RBM33: variants seen among roughly 807,000 people sequenced by gnomAD.
RBM33 encodes RNA-binding protein 33.
A neutral mutation model predicts 132.6 loss-of-function variants in RBM33; 28 were observed. The observed-to-expected ratio is 0.21, with a 90% CI of 0.16 to 0.29. RBM33 has a LOEUF of 0.29. Ranked by LOEUF, RBM33 falls within the 10% of genes least tolerant of loss-of-function variation. The pLI is 1.00. For synonymous variants in RBM33, 634 were observed against 593.0 expected (o/e 1.07, Z -1.01); for missense variants, 1,291 against 1,518.5 (o/e 0.85, Z 2.49).
At chr7:155,769,148 G>A (rs1045711697) in intron 16 of RBM33, among the ~76,000 whole-genome samples, 9 of 152,230 alleles carry the variant, frequency 5.9e-5, no homozygotes, top group Non-Finnish European at 7.4e-5. Flanking sequence ...AAAAAGTTTC[G>A]AACTGTAACC....
chr7:155,679,045 G>A (rs1483879490), intron 4 of RBM33, among the ~76,000 whole-genome samples: 4 of 152,112 alleles, frequency 2.6e-5, no homozygotes, highest in East Asian at 1.9e-4. Context: ...AGTGGCCCGC[G>A]CCTATAGTCC....
intron 16 of RBM33, among the ~76,000 whole-genome samples, chr7:155,769,093 A>T (rs1802320251): frequency 6.6e-6 from 1 of 152,238 alleles, no homozygotes; most frequent in Non-Finnish European, 1.5e-5. Context: ...GTGAGGAAGA[A>T]TGAGAAGATT....
intron 9 of RBM33, among the ~76,000 whole-genome samples, chr7:155,722,353 T>C (rs1800653883): frequency 6.6e-6 from 1 of 152,248 alleles, no homozygotes; most frequent in African/African-American, 2.4e-5. Flanking sequence ...TGCTGAATGC[T>C]ATTTCACGAA....
chr7:155,774,656 T>C lies in RBM33; in HGVS notation c.3464+9T>C, dbSNP rs751605958. On this transcript the variant is annotated intron_variant, in intron 17 of 17. Transcript: ENST00000401878. This position sits in a 1 kb window ranked among gnomAD's most constrained non-coding sequence, Gnocchi z 4.2. Reference sequence around the variant, plus strand: ...CAGCAGAAATTCCACAGGTGACCAGTGTGTTCTGTGCTTGTGGTGATAAGG... The same window carrying C: ...CAGCAGAAATTCCACAGGTGACCAGCGTGTTCTGTGCTTGTGGTGATAAGG... 32 of 1,610,460 alleles carry C rather than the reference T, an allele frequency of 2.0e-5. No homozygotes were observed. In the South Asian group the frequency reaches 2.6e-4, roughly 13 times the overall value.
intron 5 of RBM33, among the ~76,000 whole-genome samples, chr7:155,694,570 C>T (rs959715697): frequency 2.0e-5 from 3 of 152,214 alleles, no homozygotes; most frequent in Non-Finnish European, 4.4e-5. Flanking sequence ...TTCCATTACA[C>T]AGAATGTTTT....
In RBM33 at chr7:155,747,734, T is replaced by A. The variant is rs375418415; in HGVS notation, c.2979+2132T>A. Among the ~76,000 whole-genome samples, 36 of 152,334 alleles carry A rather than the reference T, an allele frequency of 2.4e-4. 1 individual carries two copies. The South Asian group carries it at 7.5e-3, about 32-fold the overall frequency. ...CTTCTTAAGTGTCAACTAGCCCACA[T>A]GTTCGTATCTTAGGGTTTACTCAGT... On this transcript the variant is annotated intron_variant, in intron 14 of 17. Coordinates refer to ENST00000401878, the MANE Select transcript of RBM33 (RefSeq NM_053043.3).
chr7:155,752,161 C>A (rs73167176), intron 14 of RBM33, among the ~76,000 whole-genome samples: 1 of 152,144 alleles, frequency 6.6e-6, no homozygotes, highest in Non-Finnish European at 1.5e-5. Flanking sequence ...AGAAGATGTT[C>A]GAGCTCACCT....
chr7:155,742,137 G>C, intron 13 of RBM33, 31 bp downstream of exon 13: 2 of 1,568,770 alleles, frequency 1.3e-6, no homozygotes, highest in Non-Finnish European at 1.7e-6. Flanking sequence ...ACAAATGTTG[G>C]TCTCAAACAA....
intron 14 of RBM33, among the ~76,000 whole-genome samples, chr7:155,761,194 G>A (rs1052651810): frequency 5.3e-5 from 8 of 152,178 alleles, no homozygotes; most frequent in Non-Finnish European, 1.2e-4. Context: ...CCTTTTCCGT[G>A]TTGCTAGATT....
rs978658560 is a variant in RBM33, at chr7:155,745,181, C to G, written c.2558C>G (p.Thr853Ser). Residue 853 changes from threonine to serine, a missense_variant, in exon 14 of 18, where the codon ACC (threonine) becomes AGC (serine). Thr to Ser is a moderately conservative substitution (Grantham distance 58, BLOSUM62 1). This residue lies in a region of RBM33 where 841 missense variants were observed against 912.0 expected (regional missense o/e 0.92). Coordinates refer to ENST00000401878, the MANE Select transcript of RBM33 (RefSeq NM_053043.3). This position sits in a 1 kb window ranked among gnomAD's most constrained non-coding sequence, Gnocchi z 4.1. ...GAGCAGGCACTGTCACCATCACCCA[C>G]CAACGGTAACCCACTGTTGCCCTTT... ...QEEQALSPSPTNGNPLLPFPG... is the reference protein window; with the variant it reads ...QEEQALSPSPSNGNPLLPFPG... The G allele has an allele frequency of 1.9e-6, 3 of 1,610,672 alleles. No homozygotes were observed. The highest frequency in any genetic ancestry group is 2.2e-5 in the South Asian group (2 of 90,338).
intron 9 of RBM33, among the ~76,000 whole-genome samples, chr7:155,737,153 T>C (rs1466275459): frequency 3.3e-5 from 5 of 152,214 alleles, no homozygotes; most frequent in African/African-American, 1.2e-4. Context: ...CAGTATTCAG[T>C]ACAGTAACAT....
intron 5 of RBM33, among the ~76,000 whole-genome samples, chr7:155,690,259 T>G (rs1254027807): frequency 4.6e-5 from 7 of 152,234 alleles, no homozygotes; most frequent in Non-Finnish European, 1.0e-4. Context: ...TTTTTTGGTT[T>G]AAAATCTGTT....
intron 6 of RBM33, among the ~76,000 whole-genome samples, chr7:155,704,488 C>G (rs1249660682): frequency 6.6e-6 from 1 of 152,176 alleles, no homozygotes; most frequent in African/African-American, 2.4e-5. Flanking sequence ...GAATGGTTCA[C>G]TGTGAAAATG....
At chr7:155,652,104 C>G (rs1043031150) in intron 1 of RBM33, among the ~76,000 whole-genome samples, 1 of 152,122 alleles carries the variant, frequency 6.6e-6, no homozygotes, top group African/African-American at 2.4e-5. Flanking sequence ...TGGATTTCCT[C>G]ATCTATAAAA....
Position 155,775,177 on chromosome 7 carries a change from C to T in RBM33, c.*136C>T, listed in dbSNP as rs1802564878. 3 of 800,592 alleles carry T rather than the reference C, an allele frequency of 3.7e-6. No homozygotes were observed. Among genetic ancestry groups the T allele is most frequent in the Non-Finnish European group, 6.5e-6 (3 of 459,672 alleles). 49.6% of individuals were successfully genotyped at this position (800,592 alleles called of 1,614,324 possible). A position where few individuals can be genotyped will look rare whatever the true frequency, so the allele number is the denominator to read the frequency against. ...TCCTGCGTAACTGTTCTCCAGAGCG[C>T]CAGCCAGCCACGGGCCTGATTCCAG... On this transcript the variant is annotated 3_prime_UTR_variant, in exon 18 of 18. Coordinates refer to ENST00000401878, the MANE Select transcript of RBM33 (RefSeq NM_053043.3).
chr7:155,666,859 GAAGAA>G (rs1798815575), intron 2 of RBM33, among the ~76,000 whole-genome samples: 1 of 152,136 alleles, frequency 6.6e-6, no homozygotes. Flanking sequence ...AGATTTTTGA[GAAGAA>G]TACAGTCAGA....
chr7:155,673,056 G>A, intron 3 of RBM33, 141 bp downstream of exon 3: 1 of 505,272 alleles, frequency 2.0e-6, no homozygotes, highest in Non-Finnish European at 3.5e-6. Flanking sequence ...TATTTTTTAA[G>A]TGCGCAGGGA....
intron 7 of RBM33, among the ~76,000 whole-genome samples, chr7:155,710,731 C>T (rs1234854912): frequency 2.6e-5 from 4 of 152,074 alleles, no homozygotes; most frequent in Non-Finnish European, 5.9e-5. Flanking sequence ...CTTTGTGGCC[C>T]TGTCCTGTTC....
intron 16 of RBM33, among the ~76,000 whole-genome samples, chr7:155,768,129 C>A (rs79439757): frequency 6.6e-6 from 1 of 152,184 alleles, no homozygotes; most frequent in Non-Finnish European, 1.5e-5. Context: ...TCATATGTCA[C>A]CTGCTACTTT....
Sources: gnomAD v4.1 joint callset for allele counts (sites outside exome capture counted in the v4.1 genomes callset) on GRCh38, gnomAD v4.1.1 for gene constraint, gnomAD v4.1.1 regional missense constraint, Gnocchi (gnomAD v3.1) non-coding constraint, MANE v1.5 for transcripts, NCBI Gene and HGNC (gene_info 2026-07-23, HGNC 2026-07-21) for gene names.